NTM: variants seen among roughly 807,000 people sequenced by gnomAD.
NTM encodes neurotrimin.
A neutral mutation model predicts 42.1 loss-of-function variants in NTM; 13 were observed. The observed-to-expected ratio is 0.31, with a 90% CI of 0.20 to 0.49. The LOEUF is 0.49. NTM is among the 20% of genes least tolerant of loss of function. NTM has a pLI of 0.99. For synonymous variants in NTM, 187 were observed against 179.2 expected, an observed-to-expected ratio of 1.04 and a Z score of -0.35; for missense variants, 373 against 452.8, an observed-to-expected ratio of 0.82 and a Z score of 1.60.
chr11:132,205,633 C>A (rs551068788), intron 3 of NTM, among the ~76,000 whole-genome samples: 1 of 152,218 alleles, frequency 6.6e-6, no homozygotes, highest in African/African-American at 2.4e-5. Context: ...TTTCTAGATT[C>A]AGCTCTCAGA....
chr11:131,887,003 C>G (rs2050515266), intron 1 of NTM, among the ~76,000 whole-genome samples: 1 of 152,226 alleles, frequency 6.6e-6, no homozygotes, highest in South Asian at 2.1e-4. Context: ...AAATAGGCAG[C>G]TGGTAAAACC....
intron 1 of NTM, among the ~76,000 whole-genome samples, chr11:131,752,187 T>A (rs1035536999): frequency 2.0e-5 from 3 of 152,162 alleles, no homozygotes; most frequent in Non-Finnish European, 2.9e-5. Flanking sequence ...AGAACCACTT[T>A]GAAAAGTTGT....
chr11:131,411,667 G>C (rs970416121), intron 1 of NTM, among the ~76,000 whole-genome samples: 1 of 151,600 alleles, frequency 6.6e-6, no homozygotes, highest in African/African-American at 2.4e-5. Context: ...TCAGGGGAAG[G>C]TGATATTCTT....
chr11:132,162,642 A>G (rs1376142601), intron 3 of NTM, among the ~76,000 whole-genome samples: 1 of 127,028 alleles, frequency 7.9e-6, no homozygotes, highest in African/African-American at 3.1e-5. Flanking sequence ...TGTGTGGGGC[A>G]TGTGTGTGTT....
At chr11:131,371,240 A>G (rs895245981) in intron 1 of NTM, among the ~76,000 whole-genome samples, 1 of 152,240 alleles carries the variant, frequency 6.6e-6, no homozygotes, top group Non-Finnish European at 1.5e-5. Context: ...GGAGGGCAAC[A>G]GGGTTGCTAA....
intron 1 of NTM, among the ~76,000 whole-genome samples, chr11:131,587,306 G>A (rs1038027572): frequency 2.0e-5 from 3 of 152,120 alleles, no homozygotes; most frequent in Non-Finnish European, 4.4e-5. Flanking sequence ...ACATTAGCCA[G>A]GCATGGTGGC....
intron 1 of NTM, among the ~76,000 whole-genome samples, chr11:131,426,480 T>C (rs1248157526): frequency 6.6e-6 from 1 of 152,062 alleles, no homozygotes; most frequent in Non-Finnish European, 1.5e-5. Context: ...CTCTGAGAAG[T>C]TGTACTGAGC....
intron 2 of NTM, among the ~76,000 whole-genome samples, chr11:132,038,723 G>A (rs1396023208): frequency 1.3e-5 from 2 of 152,158 alleles, no homozygotes; most frequent in African/African-American, 4.8e-5. Flanking sequence ...CTGCTTGCAT[G>A]GATATTCCAG....
At chr11:131,515,475 T>C (rs921759346) in intron 1 of NTM, among the ~76,000 whole-genome samples, 5 of 152,158 alleles carry the variant, frequency 3.3e-5, no homozygotes, top group African/African-American at 1.2e-4. Context: ...AGCATGAACA[T>C]GAGCCGTTAC....
intron 1 of NTM, among the ~76,000 whole-genome samples, chr11:131,423,785 C>G (rs975926132): frequency 6.6e-6 from 1 of 152,192 alleles, no homozygotes; most frequent in Non-Finnish European, 1.5e-5. Context: ...AATAAAGTAT[C>G]TCGTTCTGTC....
At chr11:131,803,913 T>G (rs2092329341) in intron 1 of NTM, among the ~76,000 whole-genome samples, 1 of 152,236 alleles carries the variant, frequency 6.6e-6, no homozygotes, top group African/African-American at 2.4e-5. Flanking sequence ...CCTCCCACTG[T>G]CCAATTATCA....
intron 2 of NTM, among the ~76,000 whole-genome samples, chr11:131,958,029 T>G (rs1445280880): frequency 6.6e-6 from 1 of 152,144 alleles, no homozygotes; most frequent in Non-Finnish European, 1.5e-5. Flanking sequence ...ATAAAAAAAA[T>G]GCATTAGCGA....
At chr11:131,938,455 A>G (rs1276423895) in intron 2 of NTM, among the ~76,000 whole-genome samples, 2 of 152,244 alleles carry the variant, frequency 1.3e-5, no homozygotes, top group East Asian at 3.8e-4. Context: ...AGTGCTAAGC[A>G]TGAGAGCACT....
At chr11:131,934,415 T>G (rs1349010881) in intron 2 of NTM, among the ~76,000 whole-genome samples, 2 of 152,242 alleles carry the variant, frequency 1.3e-5, no homozygotes, top group East Asian at 3.9e-4. Flanking sequence ...TTTTGAGGAT[T>G]AATTATAATC....
At chr11:131,411,220 T>G (rs1257194143) in intron 1 of NTM, among the ~76,000 whole-genome samples, 1 of 152,198 alleles carries the variant, frequency 6.6e-6, no homozygotes, top group Non-Finnish European at 1.5e-5. Context: ...GAAGTCCATG[T>G]GCATCACTTA....
intron 1 of NTM, among the ~76,000 whole-genome samples, chr11:131,722,950 C>A (rs539139825): frequency 6.6e-6 from 1 of 152,176 alleles, no homozygotes; most frequent in African/African-American, 2.4e-5. Context: ...GATATTATTA[C>A]TTTCTTATGA....
intron 3 of NTM, among the ~76,000 whole-genome samples, chr11:132,153,171 G>T (rs556448044): frequency 6.6e-6 from 1 of 152,180 alleles, no homozygotes; most frequent in Non-Finnish European, 1.5e-5. Flanking sequence ...GCTTCTGAGC[G>T]GCCTCAGAGT....
At chr11:132,041,490 G>A (rs1179301080) in intron 2 of NTM, among the ~76,000 whole-genome samples, 1 of 152,078 alleles carries the variant, frequency 6.6e-6, no homozygotes, top group African/African-American at 2.4e-5. Flanking sequence ...AGCACATTTA[G>A]TCAGTCATAC....
At chr11:131,508,044 TTAAAC>T (rs1457499063) in intron 1 of NTM, among the ~76,000 whole-genome samples, 5 of 150,762 alleles carry the variant, frequency 3.3e-5, no homozygotes, top group African/African-American at 1.2e-4. Flanking sequence ...TGGGATCTAA[TTAAAC>T]TAAAGAGCTT....
Sources: gnomAD v4.1 joint callset for allele counts (sites outside exome capture counted in the v4.1 genomes callset) on GRCh38, gnomAD v4.1.1 for gene constraint, MANE v1.5 for transcripts, NCBI Gene and HGNC (gene_info 2026-07-23, HGNC 2026-07-21) for gene names.